The following SGCZ variants were observed in gnomAD, a reference collection of about 807,000 sequenced individuals.
The protein encoded by SGCZ is zeta-sarcoglycan.
A neutral mutation model predicts 41.3 loss-of-function variants in SGCZ; 40 were observed. The ratio of observed to expected loss-of-function variants is 0.97; its 90% CI spans 0.75 to 1.26. The LOEUF (loss-of-function observed/expected upper bound fraction) is 1.26. Ranked by LOEUF, SGCZ falls within the 50% of genes most tolerant of loss-of-function variation. SGCZ has a pLI of 0.00. For missense variants in SGCZ, 552 were observed against 369.8 expected (o/e 1.49, Z -4.04); for synonymous variants, 206 against 137.5 (o/e 1.50, Z -3.49).
At chr8:14,787,761 G>A (rs1353008903) in intron 1 of SGCZ, among the ~76,000 whole-genome samples, 1 of 151,956 alleles carries the variant, frequency 6.6e-6, no homozygotes, top group South Asian at 2.1e-4. Context: ...CAGGAGAATC[G>A]CTTGAACTCG....
At chr8:14,950,608 A>G (rs1800599960) in intron 1 of SGCZ, among the ~76,000 whole-genome samples, 1 of 152,030 alleles carries the variant, frequency 6.6e-6, no homozygotes, top group Admixed American at 6.6e-5. Flanking sequence ...AAGAGAAATA[A>G]TACTTTTACA....
At chr8:14,842,833 G>C (rs1483507170) in intron 1 of SGCZ, among the ~76,000 whole-genome samples, 1 of 152,168 alleles carries the variant, frequency 6.6e-6, no homozygotes, top group Non-Finnish European at 1.5e-5. Context: ...GTTAAAGTTA[G>C]CATTGAAAAC....
At chr8:14,917,471 G>A (rs541544715) in intron 1 of SGCZ, among the ~76,000 whole-genome samples, 6 of 152,064 alleles carry the variant, frequency 3.9e-5, no homozygotes, top group African/African-American at 1.4e-4. Context: ...GGGCAAGAGA[G>A]ACTGTTTAAA....
intron 4 of SGCZ, among the ~76,000 whole-genome samples, chr8:14,183,271 G>C (rs1030926940): frequency 3.8e-5 from 5 of 132,524 alleles, no homozygotes; most frequent in Admixed American, 7.6e-5. Flanking sequence ...TACAGAAATA[G>C]TTAAAAATTT....
intron 1 of SGCZ, among the ~76,000 whole-genome samples, chr8:15,026,883 G>A (rs779431309): frequency 1.3e-5 from 2 of 152,268 alleles, no homozygotes; most frequent in South Asian, 4.1e-4. Flanking sequence ...GAATATTGAA[G>A]CGCTAACAGC....
intron 1 of SGCZ, among the ~76,000 whole-genome samples, chr8:14,612,516 C>A (rs1267618935): frequency 6.6e-6 from 1 of 152,040 alleles, no homozygotes; most frequent in Non-Finnish European, 1.5e-5. Flanking sequence ...TGAGAATGGA[C>A]TAATACAGAG....
At chr8:14,592,813 G>A (rs1805282372) in intron 1 of SGCZ, among the ~76,000 whole-genome samples, 1 of 152,104 alleles carries the variant, frequency 6.6e-6, no homozygotes, top group Admixed American at 6.6e-5. Flanking sequence ...AATCAGAGTG[G>A]CTCTTAGCAG....
chr8:14,995,996 C>T (rs1397790039), intron 1 of SGCZ, among the ~76,000 whole-genome samples: 8 of 151,792 alleles, frequency 5.3e-5, no homozygotes, highest in Non-Finnish European at 1.0e-4. Context: ...CTCTATCTCC[C>T]GGGTTCAGGT....
chr8:14,485,589 T>A lies in SGCZ; in HGVS notation c.234+69143A>T, dbSNP rs188166983. On this transcript the variant is annotated intron_variant, in intron 2 of 7. Transcript: ENST00000382080. ...ATGCTTACATTAAGGTAGGCCCTGA[T>A]GGGTCCTGTGCTTCCAGATTCTCCC... Among the ~76,000 whole-genome samples, 90 of 152,264 alleles carry A rather than the reference T, an allele frequency of 5.9e-4. 1 individual carries two copies. The highest frequency in any genetic ancestry group is 5.6e-3 in the Admixed American group (85 of 15,286).
At chr8:14,520,264 C>T (rs946709200) in intron 2 of SGCZ, among the ~76,000 whole-genome samples, 2 of 152,116 alleles carry the variant, frequency 1.3e-5, no homozygotes, top group African/African-American at 4.8e-5. Context: ...TGCTGAAGTG[C>T]TATCTGGCAG....
At chr8:14,240,087 A>C (rs1798816429) in intron 3 of SGCZ, among the ~76,000 whole-genome samples, 1 of 151,760 alleles carries the variant, frequency 6.6e-6, no homozygotes, top group African/African-American at 2.4e-5. Context: ...GGCAGTTTGG[A>C]AGGCTGAGGT....
chr8:15,101,926 AG>A (rs1307415247), intron 1 of SGCZ, among the ~76,000 whole-genome samples: 14 of 152,222 alleles, frequency 9.2e-5, no homozygotes, highest in South Asian at 6.2e-4. Flanking sequence ...CTGTCTAAAA[AG>A]AAAAAGAATA....
At chr8:14,638,512 C>G (rs977137564) in intron 1 of SGCZ, among the ~76,000 whole-genome samples, 3 of 151,806 alleles carry the variant, frequency 2.0e-5, no homozygotes, top group Non-Finnish European at 4.4e-5. Flanking sequence ...TCAATATCTC[C>G]TTACCTCCTG....
In SGCZ at chr8:14,554,860, G is replaced by A. The variant is rs1253558602; in HGVS notation, c.106C>T (p.Leu36Phe). The A allele has an allele frequency of 3.1e-6, 5 of 1,612,924 alleles. No individual in the cohort carries two copies. Among genetic ancestry groups the A allele is most frequent in the Admixed American group, 3.3e-5 (2 of 59,852 alleles). Residue 36 changes from leucine (L) to phenylalanine (F), a missense_variant, in exon 2 of 8, where the codon CTT becomes TTT. Leu to Phe is a conservative substitution (Grantham distance 22). Transcript: ENST00000382080. ...CATCCATAAATTCCCACTGGGTAAA[G>A]TTGTGCATTCTCAGTCCTTGGCAGG... ...NNLPRTENAQ[L>F]YPVGIYGWRK... is the part of the protein sequence containing the mutation.
intron 1 of SGCZ, among the ~76,000 whole-genome samples, chr8:15,152,887 A>G (rs1799222783): frequency 6.6e-6 from 1 of 152,234 alleles, no homozygotes; most frequent in South Asian, 2.1e-4. Context: ...AAGAAAGTTC[A>G]TAGCAGATGG....
chr8:14,683,951 T>C (rs1295588422), intron 1 of SGCZ, among the ~76,000 whole-genome samples: 1 of 152,176 alleles, frequency 6.6e-6, no homozygotes, highest in African/African-American at 2.4e-5. Context: ...ATATCTAAAA[T>C]CTGAATGTGT....
At chr8:15,049,514 A>G (rs1322663163) in intron 1 of SGCZ, among the ~76,000 whole-genome samples, 1 of 152,114 alleles carries the variant, frequency 6.6e-6, no homozygotes, top group Non-Finnish European at 1.5e-5. Flanking sequence ...CTACATTTTT[A>G]AAAGATTGCT....
chr8:14,617,986 G>A (rs1806160825), intron 1 of SGCZ, among the ~76,000 whole-genome samples: 3 of 152,034 alleles, frequency 2.0e-5, no homozygotes, highest in Admixed American at 6.6e-5. Flanking sequence ...TAAAAGTCAT[G>A]AAGTCCAGAG....
chr8:14,809,980 T>C (rs890125087), intron 1 of SGCZ, among the ~76,000 whole-genome samples: 2 of 152,068 alleles, frequency 1.3e-5, no homozygotes, highest in African/African-American at 2.4e-5. Flanking sequence ...TTTAAGAAAC[T>C]CAAGCTGGCA....
Sources: allele counts gnomAD v4.1 joint callset (sites outside exome capture counted in the v4.1 genomes callset), GRCh38; gene constraint gnomAD v4.1.1; transcripts MANE v1.5; gene names NCBI Gene and HGNC (gene_info 2026-07-23, HGNC 2026-07-21).